The following MIA2 variants were observed in gnomAD, a reference collection of about 807,000 sequenced individuals.
MIA2 encodes the protein MIA SH3 domain ER export factor 2, also known as melanoma inhibitory activity protein 2.
Under a neutral mutation model 167.8 loss-of-function variants are expected in MIA2, and 127 were observed. The ratio of observed to expected loss-of-function variants is 0.76; its 90% CI spans 0.66 to 0.88. MIA2 has a LOEUF of 0.88. Ranked by LOEUF, MIA2 falls within the 40% of genes least tolerant of loss-of-function variation. The pLI, the probability that MIA2 is intolerant of heterozygous loss-of-function variation, is 0.00. For synonymous variants in MIA2, 552 were observed against 541.9 expected (o/e 1.02, Z -0.26); for missense variants, 1,690 against 1,624.7 (o/e 1.04, Z -0.69).
rs769553721 is a variant in MIA2 at position 39,277,038 on chromosome 14, CT to C, written c.2000del (p.Leu667CysfsTer22). 3 of 1,611,928 alleles carry C rather than the reference CT, an allele frequency of 1.9e-6. No individual in the cohort carries two copies. Among genetic ancestry groups the C allele is most frequent in the East Asian group, 2.2e-5 (1 of 44,766 alleles). Reference sequence around the variant, plus strand: ...CTGTTGTTGGATTTTTTGCTGTTCTCTTTTTTTTGTGGAGAAGTTTTAGATC... The same window carrying C: ...CTGTTGTTGGATTTTTTGCTGTTCTCTTTTTTTGTGGAGAAGTTTTAGATC... Reference protein sequence around the residue: ...AAVVGFFAVLFFLWRSFRSVR... With the variant: ...AAVVGFFAVLXFLWRSFRSVR... On this transcript the variant is annotated frameshift_variant, in exon 7 of 29. Coordinates refer to ENST00000640607, the MANE Select transcript of MIA2 (RefSeq NM_001329214.4). LOFTEE classifies it high-confidence loss of function.
At chr14:39,287,147 C>A (rs2059933812) in intron 9 of MIA2, among the ~76,000 whole-genome samples, 1 of 152,086 alleles carries the variant, frequency 6.6e-6, no homozygotes, top group South Asian at 2.1e-4. Flanking sequence ...GGTCATGGCT[C>A]ACTGCAGCCT....
intron 6 of MIA2, chr14:39,266,408 GAGGAAAACAGC>G: frequency 1.0e-6 from 1 of 985,384 alleles, no homozygotes; most frequent in Non-Finnish European, 1.2e-6. Context: ...CCTCTTCTCG[GAGGAAAACAGC>G]ACGCACCGCG....
At chr14:39,271,356 A>T (rs1308860430) in intron 6 of MIA2, among the ~76,000 whole-genome samples, 3 of 152,050 alleles carry the variant, frequency 2.0e-5, no homozygotes, top group Non-Finnish European at 2.9e-5. Context: ...TCTTTAAAAC[A>T]TTTTTTTACC....
intron 23 of MIA2, chr14:39,386,221 G>T: frequency 7.1e-7 from 1 of 1,400,132 alleles, no homozygotes; most frequent in South Asian, 1.2e-5. Context: ...TACCCAGTTT[G>T]TCTGCAGTTG....
intron 4 of MIA2, among the ~76,000 whole-genome samples, chr14:39,250,556 C>T (rs2054516685): frequency 6.7e-6 from 1 of 150,086 alleles, no homozygotes. Context: ...ATTAGCTGGG[C>T]ATGGTGGTGT....
At chr14:39,323,656 C>T (rs771813962) in intron 24 of MIA2, among the ~76,000 whole-genome samples, 8 of 152,152 alleles carry the variant, frequency 5.3e-5, no homozygotes, top group Non-Finnish European at 1.0e-4. Flanking sequence ...AAACTTCACA[C>T]ATCACAAATG....
intron 9 of MIA2, among the ~76,000 whole-genome samples, chr14:39,284,672 C>T (rs1471392258): frequency 6.6e-6 from 1 of 151,980 alleles, no homozygotes; most frequent in Non-Finnish European, 1.5e-5. Context: ...GCAGATCTTT[C>T]ACCTCCTTGG....
chr14:39,313,944 G>A (rs2064846789), intron 19 of MIA2, among the ~76,000 whole-genome samples: 1 of 152,104 alleles, frequency 6.6e-6, no homozygotes, highest in African/African-American at 2.4e-5. Context: ...AGATTCAGCA[G>A]TATCCCAAAT....
intron 14 of MIA2, 73 bp downstream of exon 14, chr14:39,300,059 T>A: frequency 6.5e-7 from 1 of 1,532,728 alleles, no homozygotes; most frequent in Non-Finnish European, 8.8e-7. Context: ...TGAAAGCTAG[T>A]TTTTAGCAAC....
At chr14:39,299,017 G>C (rs1181359001) in intron 13 of MIA2, among the ~76,000 whole-genome samples, 2 of 123,494 alleles carry the variant, frequency 1.6e-5, no homozygotes, top group African/African-American at 3.0e-5. Context: ...GAGCCCAGTA[G>C]TTTGAGATTG....
rs1377593519 is a variant in MIA2, at chr14:39,247,916, A to G, written c.1342A>G (p.Thr448Ala). ...AGACAAGAAACCAGTCTCAGAAAAAACAGACGAATCTGATACTATACCATA... is the reference window on the plus strand; with the variant it reads ...AGACAAGAAACCAGTCTCAGAAAAAGCAGACGAATCTGATACTATACCATA... ...QIDKKPVSEK[T>A]DESDTIPYLK... Residue 448 changes from threonine to alanine, a missense_variant, in exon 4 of 29, where the codon ACA (threonine) becomes GCA (alanine). Transcript: ENST00000640607. The G allele has an allele frequency of 2.5e-6, 4 of 1,595,046 alleles. No individual in the cohort carries two copies. Among genetic ancestry groups the G allele is most frequent in the African/African-American group, 2.7e-5 (2 of 73,440 alleles).
chr14:39,236,423 G>A (rs1469240813), intron 1 of MIA2, among the ~76,000 whole-genome samples: 1 of 152,132 alleles, frequency 6.6e-6, no homozygotes, highest in Non-Finnish European at 1.5e-5. Flanking sequence ...CTAGGGCTAT[G>A]TGACCAATTC....
At chr14:39,385,279 A>T (rs752575946) in intron 23 of MIA2, 5 of 639,114 alleles carry the variant, frequency 7.8e-6, no homozygotes, top group Non-Finnish European at 1.4e-5. Context: ...CCTATGCAGT[A>T]AAGTGAAGAT....
At chr14:39,342,699 G>A (rs546284459) in intron 25 of MIA2, among the ~76,000 whole-genome samples, 5 of 152,056 alleles carry the variant, frequency 3.3e-5, no homozygotes, top group Admixed American at 6.6e-5. Flanking sequence ...GTTTGTGTGC[G>A]TAAATGTGTA....
rs769534317 is a variant in MIA2, at chr14:39,238,793, CA to C, written c.250-1750del. On this transcript the variant is annotated intron_variant, in intron 2 of 28. Coordinates refer to ENST00000640607, the MANE Select transcript of MIA2 (RefSeq NM_001329214.4). ...TGGGTTACAAAGTGAGACCCTGTCT[CA>C]AAAAAAAAAAAAAAAAACCCAAAAA... Among the ~76,000 whole-genome samples, 49 of 30,816 alleles carry C rather than the reference CA, an allele frequency of 1.6e-3. 2 individuals carry two copies. In the South Asian group the frequency reaches 0.028, roughly 18 times the overall value. 20.2% of individuals were successfully genotyped at this position (30,816 alleles called of 152,430 possible).
At chr14:39,369,985 C>T (rs377167532) in intron 23 of MIA2, among the ~76,000 whole-genome samples, 1 of 152,170 alleles carries the variant, frequency 6.6e-6, no homozygotes, top group African/African-American at 2.4e-5. Flanking sequence ...GCAGAGGAGT[C>T]ATGAATAATG....
At chr14:39,347,575 C>G in intron 26 of MIA2, 138 bp from the exon 27 acceptor site, 1 of 755,100 alleles carries the variant, frequency 1.3e-6, no homozygotes, top group Non-Finnish European at 2.2e-6. Flanking sequence ...TTCTTGTGGC[C>G]GCAATATAGG....
intron 6 of MIA2, chr14:39,267,471 C>T: frequency 3.7e-6 from 6 of 1,613,048 alleles, no homozygotes; most frequent in South Asian, 1.1e-5. Context: ...TGGAGGAGCC[C>T]GGGGTTACCC....
chr14:39,352,289 C>T (rs2074409635), downstream of MIA2, among the ~76,000 whole-genome samples: 1 of 151,512 alleles, frequency 6.6e-6, no homozygotes, highest in Admixed American at 6.6e-5. Flanking sequence ...CAGAGCCTGC[C>T]TTTTTACTAA....
Sources: gnomAD v4.1 joint callset for allele counts (sites outside exome capture counted in the v4.1 genomes callset) on GRCh38, gnomAD v4.1.1 for gene constraint, MANE v1.5 for transcripts, NCBI Gene and HGNC (gene_info 2026-07-23, HGNC 2026-07-21) for gene names.